Variants in SLC67A1 observed in about 807,000 individuals in gnomAD.
SLC67A1 encodes solute carrier family 67 member A1.
At chr11:2,913,191 C>T in the SLC67A1 span, among the ~76,000 whole-genome samples, 5 of 152,162 alleles carry the variant, frequency 3.3e-5, no homozygotes, top group East Asian at 1.9e-4. Context: ...CCAGGCCCGC[C>T]GCCCCCCCAG....
the SLC67A1 span, among the ~76,000 whole-genome samples, chr11:2,924,718 G>T: frequency 1.3e-5 from 2 of 152,206 alleles, no homozygotes; most frequent in African/African-American, 2.4e-5. The surrounding 1 kb of genome is among the most constrained non-coding windows in gnomAD (Gnocchi z 8.6). Flanking sequence ...CAATGCCCTG[G>T]GAAGCACCCT....
the SLC67A1 span, chr11:2,908,199 C>T: frequency 2.0e-6 from 3 of 1,517,628 alleles, no homozygotes; most frequent in South Asian, 2.2e-5. Flanking sequence ...CAGTCTTTCC[C>T]AGCCCCTCCC....
At chr11:2,922,698 G>A in the SLC67A1 span, 1 of 304,328 alleles carries the variant, frequency 3.3e-6, no homozygotes, top group Non-Finnish European at 6.5e-6. Flanking sequence ...TGGAGTGGGT[G>A]GGGTGGGGGC....
chr11:2,913,472 C>A, the SLC67A1 span, among the ~76,000 whole-genome samples: 1 of 152,096 alleles, frequency 6.6e-6, no homozygotes, highest in African/African-American at 2.4e-5. Flanking sequence ...GGACCAGGTA[C>A]GAGGAGACAC....
At chr11:2,904,727 T>TGG in the SLC67A1 span, among the ~76,000 whole-genome samples, 1 of 152,130 alleles carries the variant, frequency 6.6e-6, no homozygotes, top group Admixed American at 6.5e-5. Context: ...CCCTCGGAGC[T>TGG]GGGGGTCCAC....
chr11:2,909,478 T>A, the SLC67A1 span: 2 of 724,212 alleles, frequency 2.8e-6, no homozygotes, highest in Non-Finnish European at 3.2e-6. Flanking sequence ...TGGACGGGGG[T>A]GGGGGGCGAC....
At chr11:2,922,317 C>G in the SLC67A1 span, 1 of 1,519,034 alleles carries the variant, frequency 6.6e-7, no homozygotes, top group Non-Finnish European at 9.0e-7. Context: ...CCCACACCCA[C>G]CCGGGGCCAG....
At chr11:2,905,309 C>T in the SLC67A1 span, among the ~76,000 whole-genome samples, 5 of 152,078 alleles carry the variant, frequency 3.3e-5, no homozygotes, top group Admixed American at 6.5e-5. Flanking sequence ...AGCAGCAGAC[C>T]ATCGTGGAGG....
the SLC67A1 span, among the ~76,000 whole-genome samples, chr11:2,900,420 C>T: frequency 4.6e-5 from 7 of 151,966 alleles, no homozygotes; most frequent in South Asian, 4.2e-4. Context: ...AGGCTGGGCG[C>T]GGTGGCTCAC....
the SLC67A1 span, among the ~76,000 whole-genome samples, chr11:2,917,194 G>A: frequency 1.6e-4 from 24 of 152,322 alleles, no homozygotes; most frequent in Middle Eastern, 0.01. Context: ...CTGGTCCCAT[G>A]AGGAGAGGCC....
At chr11:2,911,363 A>G in the SLC67A1 span, among the ~76,000 whole-genome samples, 1 of 151,448 alleles carries the variant, frequency 6.6e-6, no homozygotes, top group African/African-American at 2.4e-5. Flanking sequence ...TCCCTGGAGG[A>G]TGGGGCTTAG....
At chr11:2,900,719 A>G in the SLC67A1 span, among the ~76,000 whole-genome samples, 5 of 142,658 alleles carry the variant, frequency 3.5e-5, no homozygotes, top group Non-Finnish European at 7.7e-5. Flanking sequence ...AAAAAAAAAG[A>G]TATGGGGGAA....
chr11:2,909,478 T>TGGGGC, the SLC67A1 span: 9 of 724,214 alleles, frequency 1.2e-5, no homozygotes, highest in Non-Finnish European at 1.3e-5. Flanking sequence ...TGGACGGGGG[T>TGGGGC]GGGGGGCGAC....
At chr11:2,900,270 G>A in the SLC67A1 span, among the ~76,000 whole-genome samples, 3 of 152,154 alleles carry the variant, frequency 2.0e-5, no homozygotes, top group Non-Finnish European at 2.9e-5. Flanking sequence ...CCCCTCGAGC[G>A]GTACACTGCA....
At chr11:2,914,317 G>A in the SLC67A1 span, among the ~76,000 whole-genome samples, 974 of 151,770 alleles carry the variant, frequency 6.4e-3, 4 homozygotes, top group Non-Finnish European at 0.01. Context: ...TGAGGTTGAG[G>A]GGGGCTGAGC....
the SLC67A1 span, among the ~76,000 whole-genome samples, chr11:2,901,950 C>G: frequency 6.6e-6 from 1 of 152,194 alleles, no homozygotes; most frequent in African/African-American, 2.4e-5. Flanking sequence ...CTCCCGGTCC[C>G]ATCCCCTGCC....
At chr11:2,918,068 G>A in the SLC67A1 span, 1 of 1,613,656 alleles carries the variant, frequency 6.2e-7, no homozygotes, top group African/African-American at 1.3e-5. Context: ...GATCTTCCTG[G>A]TGAAGGTGGC....
At chr11:2,909,919 C>T in the SLC67A1 span, 796 of 518,948 alleles carry the variant, frequency 1.5e-3, 3 homozygotes, top group African/African-American at 0.011. Context: ...AGGTGATGTC[C>T]CAGTGCTGTC....
At chr11:2,919,184 C>T in the SLC67A1 span, 1 of 707,020 alleles carries the variant, frequency 1.4e-6, no homozygotes, top group Non-Finnish European at 2.6e-6. Context: ...CAGGCCCCTC[C>T]CTGAACCAGT....
Sources: gnomAD v4.1 joint callset for allele counts (sites outside exome capture counted in the v4.1 genomes callset) on GRCh38, gnomAD v4.1.1 for gene constraint, Gnocchi (gnomAD v3.1) non-coding constraint, MANE v1.5 for transcripts, NCBI Gene and HGNC (gene_info 2026-07-23, HGNC 2026-07-21) for gene names.